The following TTC28 variants were observed in gnomAD, a reference collection of about 807,000 sequenced individuals.
TTC28 encodes the protein tetratricopeptide repeat domain 28, also known as tetratricopeptide repeat protein 28.
TTC28 carries 61 observed loss-of-function variants against 198.0 expected under a neutral mutation model. The observed-to-expected ratio is 0.31, with a 90% CI of 0.25 to 0.38. TTC28 has a LOEUF of 0.38. Ranked by LOEUF, TTC28 falls within the 10% of genes least tolerant of loss-of-function variation. The pLI, the probability that TTC28 is intolerant of heterozygous loss-of-function variation, is 1.00. For missense variants in TTC28, 2,678 were observed against 3,164.0 expected (o/e 0.85, Z 3.69); for synonymous variants, 1,171 against 1,297.8 (o/e 0.90, Z 2.10).
rs1372705206 is a variant in TTC28 at position 27,981,486 on chromosome 22, T to C, written c.*735A>G. On this transcript the variant is annotated 3_prime_UTR_variant, in exon 23 of 23. Transcript: ENST00000397906. ...CACAAAGTTGCATTTTAAATCACAA[T>C]TGCATAGTTCTAAAATGCCTGGATA... 4 of 152,046 alleles carry C rather than the reference T, an allele frequency of 2.6e-5. No individual in the cohort carries two copies. Among genetic ancestry groups the C allele is most frequent in the African/African-American group, 7.2e-5 (3 of 41,416 alleles). 9.4% of individuals were successfully genotyped at this position (152,046 alleles called of 1,614,324 possible).
At chr22:28,027,461 G>T (rs116669286) in intron 13 of TTC28, among the ~76,000 whole-genome samples, 2,117 of 152,322 alleles carry the variant, frequency 0.014, 67 homozygotes, top group African/African-American at 0.049. Flanking sequence ...CTAAAGCCAA[G>T]TCTCACTTGA....
chr22:28,537,293 A>AAAAATAAAATAACAT lies in TTC28; in HGVS notation c.381+92258_381+92259insATGTTATTTTATTTT, dbSNP rs1555889624. Reference sequence around the variant, plus strand: ...GGGCGACAGAGCCAGACTCCGTCTCAAAAATAAAATAAAATAAAATAAAAT... The same window carrying AAAAATAAAATAACAT: ...GGGCGACAGAGCCAGACTCCGTCTCAAAAATAAAATAACATAAAATAAAATAAAATAAAATAAAAT... On this transcript the variant is annotated intron_variant, in intron 2 of 22. Transcript: ENST00000397906. Among the ~76,000 whole-genome samples, 14 of 110,244 alleles carry AAAAATAAAATAACAT rather than the reference A, an allele frequency of 1.3e-4. 1 individual carries two copies. The highest frequency in any genetic ancestry group is 1.5e-4 in the African/African-American group (5 of 32,564). 72.3% of individuals were successfully genotyped at this position (110,244 alleles called of 152,430 possible).
chr22:28,630,199 T>C (rs979850194), intron 1 of TTC28, among the ~76,000 whole-genome samples: 4 of 152,194 alleles, frequency 2.6e-5, no homozygotes, highest in African/African-American at 9.6e-5. Flanking sequence ...CAGATACAGA[T>C]GCCTAATCCT....
chr22:28,384,997 T>G (rs1214639690), intron 2 of TTC28, among the ~76,000 whole-genome samples: 1 of 151,414 alleles, frequency 6.6e-6, no homozygotes, highest in African/African-American at 2.4e-5. Flanking sequence ...AAAAATTAGC[T>G]GGGCATGGTG....
intron 2 of TTC28, among the ~76,000 whole-genome samples, chr22:28,391,691 A>T (rs1038428446): frequency 4.6e-5 from 7 of 152,138 alleles, no homozygotes; most frequent in Non-Finnish European, 8.8e-5. Context: ...TTTCAGCTCC[A>T]GGAGCTCCTT....
At chr22:28,496,809 A>G (rs1185550255) in intron 2 of TTC28, among the ~76,000 whole-genome samples, 3 of 152,058 alleles carry the variant, frequency 2.0e-5, no homozygotes, top group Non-Finnish European at 4.4e-5. Context: ...CTCCAAATGA[A>G]AGCCAACATC....
At chr22:28,324,403 C>T (rs1037693064) in intron 2 of TTC28, among the ~76,000 whole-genome samples, 1 of 148,400 alleles carries the variant, frequency 6.7e-6, no homozygotes, top group African/African-American at 2.5e-5. Context: ...CAGCATCATC[C>T]TGATACCAAA....
chr22:28,505,515 A>AG (rs1268293082), intron 2 of TTC28, among the ~76,000 whole-genome samples: 1 of 152,126 alleles, frequency 6.6e-6, no homozygotes, highest in East Asian at 1.9e-4. Context: ...CCCCACCCCC[A>AG]GCCAAGGGAA....
intron 5 of TTC28, among the ~76,000 whole-genome samples, chr22:28,237,383 GT>G (rs1601516619): frequency 1.3e-5 from 2 of 152,252 alleles, no homozygotes; most frequent in East Asian, 3.9e-4. Flanking sequence ...CATTTTCTGT[GT>G]TTCATGGTTG....
chr22:28,182,954 C>G (rs943869214), intron 5 of TTC28, among the ~76,000 whole-genome samples: 2 of 151,988 alleles, frequency 1.3e-5, no homozygotes, highest in Non-Finnish European at 2.9e-5. Flanking sequence ...CTAGGATCTA[C>G]TTTTCTCCTC....
intron 2 of TTC28, among the ~76,000 whole-genome samples, chr22:28,617,393 C>T (rs1310782729): frequency 6.6e-6 from 1 of 151,430 alleles, no homozygotes; most frequent in African/African-American, 2.4e-5. Context: ...TTAGCACACA[C>T]TGTAGTCCCA....
At chr22:28,159,882 ATAGAAAAAGAATGAGATCCTG>A (rs1389693405) in intron 6 of TTC28, among the ~76,000 whole-genome samples, 1 of 152,242 alleles carries the variant, frequency 6.6e-6, no homozygotes, top group Non-Finnish European at 1.5e-5. Context: ...CTATTCAGCC[ATAGAAAAAGAATGAGATCCTG>A]TCATCTGCAA....
At chr22:28,418,713 T>C (rs2047202566) in intron 2 of TTC28, among the ~76,000 whole-genome samples, 1 of 152,200 alleles carries the variant, frequency 6.6e-6, no homozygotes, top group South Asian at 2.1e-4. Flanking sequence ...TTTTATCTAT[T>C]TAACAAATAT....
rs187955620 is a variant in TTC28 at position 28,537,322 on chromosome 22, A to C, written c.381+92230T>G. ...ATAAAATAAAATAAAATAAAATAAA[A>C]TAAAATAAAATAAAATAAAAACAAG... is the stretch of plus-strand genomic sequence containing the variant. On this transcript the variant is annotated intron_variant, in intron 2 of 22. Coordinates refer to ENST00000397906, the MANE Select transcript of TTC28 (RefSeq NM_001145418.2). 7.4e-4 allele frequency among the ~76,000 whole-genome samples: 109 copies of C among 147,828 alleles called. 5 individuals carry two copies. In the East Asian group the frequency reaches 0.018, roughly 25 times the overall value.
At chr22:28,079,883 C>T (rs1211592820) in intron 12 of TTC28, among the ~76,000 whole-genome samples, 2 of 152,150 alleles carry the variant, frequency 1.3e-5, no homozygotes, top group East Asian at 1.9e-4. Context: ...CATACGACCA[C>T]ATCTGGCTAG....
intron 2 of TTC28, among the ~76,000 whole-genome samples, chr22:28,454,930 C>T (rs1252445918): frequency 6.6e-6 from 1 of 152,128 alleles, no homozygotes; most frequent in African/African-American, 2.4e-5. Flanking sequence ...GTCTATCTGG[C>T]CACCCATATG....
At chr22:28,040,842 G>A (rs150734441) in intron 12 of TTC28, among the ~76,000 whole-genome samples, 10,508 of 152,132 alleles carry the variant, frequency 0.069, 424 homozygotes, top group South Asian at 0.091. Context: ...AAACCCCATC[G>A]TCTCAGCCCA....
intron 5 of TTC28, among the ~76,000 whole-genome samples, chr22:28,228,851 C>T (rs552341811): frequency 3.9e-5 from 6 of 151,952 alleles, no homozygotes; most frequent in African/African-American, 1.2e-4. Context: ...AATATTTTCT[C>T]GATTGTTTAA....
At chr22:28,310,175 A>ACACACACACACAC (rs66509137) in intron 2 of TTC28, among the ~76,000 whole-genome samples, 254 of 123,646 alleles carry the variant, frequency 2.1e-3, no homozygotes, top group Non-Finnish European at 3.3e-3. Context: ...CACACACACA[A>ACACACACACACAC]AAAACAAGAC....
Sources: gnomAD v4.1 joint callset for allele counts (sites outside exome capture counted in the v4.1 genomes callset) on GRCh38, gnomAD v4.1.1 for gene constraint, MANE v1.5 for transcripts, NCBI Gene and HGNC (gene_info 2026-07-23, HGNC 2026-07-21) for gene names.